The following ATP13A4 variants were observed in gnomAD, a reference collection of about 807,000 sequenced individuals.
ATP13A4 encodes the protein ATPase 13A4, also known as probable cation-transporting ATPase 13A4.
In ATP13A4, 114 loss-of-function variants were observed where a neutral mutation model predicts 142.5. That is an observed-to-expected ratio of 0.80 (90% CI 0.69 to 0.93). ATP13A4 has a LOEUF of 0.93. ATP13A4 is among the 40% of genes least tolerant of loss of function. The pLI is 0.00. For synonymous variants in ATP13A4, 488 were observed against 514.8 expected (o/e 0.95, Z 0.70); for missense variants, 1,392 against 1,454.0 (o/e 0.96, Z 0.69).
chr3:193,459,502 A>C (rs1717829826), intron 13 of ATP13A4, among the ~76,000 whole-genome samples: 1 of 152,036 alleles, frequency 6.6e-6, no homozygotes, highest in African/African-American at 2.4e-5. Flanking sequence ...CAGTGGCGTG[A>C]TCTCGATTCA....
intron 2 of ATP13A4, among the ~76,000 whole-genome samples, chr3:193,564,446 C>A (rs1327356961): frequency 1.3e-5 from 2 of 152,202 alleles, no homozygotes; most frequent in Non-Finnish European, 2.9e-5. Context: ...CATCAAGTAT[C>A]TGACTGTTTA....
chr3:193,542,670 C>T (rs1722997170), intron 1 of ATP13A4, among the ~76,000 whole-genome samples: 1 of 152,122 alleles, frequency 6.6e-6, no homozygotes, highest in Non-Finnish European at 1.5e-5. Context: ...TCAGAAAGTA[C>T]ACCACACATC....
rs76234308 is a variant in ATP13A4, at chr3:193,440,761, A to G, written c.2440-124T>C. ...CGATGAAGAAAAAAAAAAGTTTCCA[A>G]TGAGCCTTCCTTTGGATTTTAAGAC... is the stretch of plus-strand genomic sequence containing the variant. On this transcript the variant is annotated intron_variant, in intron 20 of 29. Coordinates refer to ENST00000342695, the MANE Select transcript of ATP13A4 (RefSeq NM_032279.4). 3,745 of 1,022,994 alleles carry G rather than the reference A, an allele frequency of 3.7e-3. 129 individuals carry two copies. The East Asian group carries it at 0.081, about 22-fold the overall frequency. 63.4% of individuals were successfully genotyped at this position (1,022,994 alleles called of 1,614,324 possible). A position where few individuals can be genotyped will look rare whatever the true frequency, so the allele number is the denominator to read the frequency against.
rs1043014086 is a variant in ATP13A4, at chr3:193,414,518, G to T, written c.3014+61C>A. 3 of 1,589,476 alleles carry T rather than the reference G, an allele frequency of 1.9e-6. No individual in the cohort carries two copies. In the African/African-American group the frequency reaches 4.0e-5, roughly 21 times the overall value. On this transcript the variant is annotated intron_variant, in intron 26 of 29. Coordinates refer to ENST00000342695, the MANE Select transcript of ATP13A4 (RefSeq NM_032279.4). ...GACCCATGTGCCTCCCATCATATTG[G>T]CCAGAGGATGTTTGATAGAAATTAG...
chr3:193,569,156 GTGTTATCCT>G (rs1724204045), intron 2 of ATP13A4, among the ~76,000 whole-genome samples: 1 of 152,218 alleles, frequency 6.6e-6, no homozygotes, highest in South Asian at 2.1e-4. Context: ...TGCTGAGAGT[GTGTTATCCT>G]TAATATAATG....
At chr3:193,515,002 A>C in intron 1 of ATP13A4, 131 bp from the exon 2 acceptor site, 1 of 929,616 alleles carries the variant, frequency 1.1e-6, no homozygotes. Flanking sequence ...GGGCAGGGTG[A>C]GGCATGGAGA....
chr3:193,416,215 T>G (rs907271420), intron 25 of ATP13A4, among the ~76,000 whole-genome samples: 3 of 152,176 alleles, frequency 2.0e-5, no homozygotes, highest in Non-Finnish European at 2.9e-5. Context: ...ACAAATGGAC[T>G]ATTACAGCCT....
At chr3:193,436,379 C>A (rs1453069439) in intron 23 of ATP13A4, among the ~76,000 whole-genome samples, 1 of 152,098 alleles carries the variant, frequency 6.6e-6, no homozygotes, top group Non-Finnish European at 1.5e-5. Flanking sequence ...ATAGATGACA[C>A]ATGAAATGTC....
Position 193,435,666 on chromosome 3 carries a change from A to G in ATP13A4, c.2751T>C (p.Gly917=). The G allele has an allele frequency of 2.5e-6, 4 of 1,613,946 alleles. No homozygotes were observed. The highest frequency in any genetic ancestry group is 3.4e-6 in the Non-Finnish European group (4 of 1,179,878). The part of the protein sequence containing the change: ...MALYSMIQYV[G]VLLLYWETNS... ...GTCATACCCAGTAGAGCAGCAGAACACCAACATACTGAATCATGCTGTACA... is the reference window on the plus strand; with the variant it reads ...GTCATACCCAGTAGAGCAGCAGAACGCCAACATACTGAATCATGCTGTACA... Residue 917 remains glycine, a synonymous_variant, in exon 24 of 30, where the codon GGT becomes GGC. Transcript: ENST00000342695.
intron 1 of ATP13A4, among the ~76,000 whole-genome samples, chr3:193,528,800 C>T (rs1201888329): frequency 6.6e-6 from 1 of 152,106 alleles, no homozygotes; most frequent in Admixed American, 6.5e-5. Context: ...CAACTCATTG[C>T]ATATACTTTT....
intron 3 of ATP13A4, among the ~76,000 whole-genome samples, chr3:193,501,873 T>G (rs1184201364): frequency 6.6e-6 from 1 of 152,176 alleles, no homozygotes; most frequent in African/African-American, 2.4e-5. Context: ...TTTGTAGGCA[T>G]AAGCAAACCT....
chr3:193,477,957 T>C (rs1719065161), intron 8 of ATP13A4, among the ~76,000 whole-genome samples: 1 of 151,950 alleles, frequency 6.6e-6, no homozygotes, highest in Admixed American at 6.6e-5. Context: ...TATGAATTAC[T>C]TAAAAATAAA....
At chr3:193,491,844 C>A (rs868626437) in intron 5 of ATP13A4, among the ~76,000 whole-genome samples, 2 of 152,082 alleles carry the variant, frequency 1.3e-5, no homozygotes, top group African/African-American at 2.4e-5. Context: ...TGGAAAACTT[C>A]AGAATGTATT....
At chr3:193,457,226 C>T (rs1364209870) in intron 15 of ATP13A4, 73 bp from the exon 16 acceptor site, 3 of 1,592,468 alleles carry the variant, frequency 1.9e-6, no homozygotes, top group Admixed American at 3.3e-5. Flanking sequence ...ACCACTCCTT[C>T]CGTAATATTC....
At position 193,502,516 on chromosome 3, in the gene ATP13A4, C is replaced by G; in HGVS notation, c.358G>C (p.Ala120Pro). 6.2e-7 allele frequency: 1 copy of G among 1,614,010 alleles called. No homozygotes were observed. Among genetic ancestry groups the G allele is most frequent in the African/African-American group, 1.3e-5 (1 of 75,004 alleles). The part of the protein sequence containing the change: ...MTDEEYIINR[A>P]IRKPDLKVRC... ...ACCTTTAGGTCTGGCTTTCTTATGGCTCTATTTATGATATACTCCTCATCT... is the reference window on the plus strand; with the variant it reads ...ACCTTTAGGTCTGGCTTTCTTATGGGTCTATTTATGATATACTCCTCATCT... The change falls in exon 3 of 30, where the codon GCC (alanine) becomes CCC (proline). Residue 120 changes from alanine to proline, a missense_variant. By Grantham distance (27) the Ala-to-Pro change is conservative. Coordinates refer to ENST00000342695, the MANE Select transcript of ATP13A4 (RefSeq NM_032279.4).
upstream of ATP13A4, among the ~76,000 whole-genome samples, chr3:193,557,841 C>T (rs908870484): frequency 1.3e-5 from 2 of 152,186 alleles, no homozygotes; most frequent in Admixed American, 1.3e-4. Flanking sequence ...GGTGGAGATG[C>T]TGAGGCTCGG....
At chr3:193,550,973 T>C (rs1723528597) in intron 1 of ATP13A4, among the ~76,000 whole-genome samples, 1 of 152,174 alleles carries the variant, frequency 6.6e-6, no homozygotes, top group Non-Finnish European at 1.5e-5. Flanking sequence ...CTCAAAGAGA[T>C]TTGTGCTCCC....
rs562606906 is a variant in ATP13A4 at position 193,548,563 on chromosome 3, C to G, written c.60+6177G>C. 4.6e-5 allele frequency among the ~76,000 whole-genome samples: 7 copies of G among 152,320 alleles called. No individual in the cohort carries two copies. In the East Asian group the frequency reaches 7.7e-4, roughly 17 times the overall value. On this transcript the variant is annotated intron_variant, in intron 1 of 29. Coordinates refer to ENST00000342695, the MANE Select transcript of ATP13A4 (RefSeq NM_032279.4). ...TCTCAGCCTGAACACAATTCCCCCACTATGAGATCTGTGGGTTCACTAGTT... is the reference window on the plus strand; with the variant it reads ...TCTCAGCCTGAACACAATTCCCCCAGTATGAGATCTGTGGGTTCACTAGTT...
rs71177402 is a variant in ATP13A4, at chr3:193,399,845, CAAAAAAA to C, written c.*2800_*2806del. Among the ~76,000 whole-genome samples, 24 of 72,706 alleles carry C rather than the reference CAAAAAAA, an allele frequency of 3.3e-4. No homozygotes were observed. The Admixed American group carries it at 4.2e-3, about 13-fold the overall frequency. 47.7% of individuals were successfully genotyped at this position (72,706 alleles called of 152,430 possible). ...TGGGCAACAGAGTGAGACTCCATCT[CAAAAAAA>C]AAAAAAAAAAAAAAAGGTTCACATC... On this transcript the variant is annotated 3_prime_UTR_variant, in exon 30 of 30. Transcript: ENST00000342695.
Sources: gnomAD v4.1 joint callset for allele counts (sites outside exome capture counted in the v4.1 genomes callset) on GRCh38, gnomAD v4.1.1 for gene constraint, MANE v1.5 for transcripts, NCBI Gene and HGNC (gene_info 2026-07-23, HGNC 2026-07-21) for gene names.